HTR3B: variants seen among roughly 807,000 people sequenced by gnomAD.
The protein encoded by HTR3B is 5-hydroxytryptamine receptor 3B, also known as 5-hydroxytryptamine (serotonin) receptor 3B, ionotropic.
A neutral mutation model predicts 42.8 loss-of-function variants in HTR3B; 44 were observed. The ratio of observed to expected loss-of-function variants is 1.03; its 90% CI spans 0.81 to 1.32. HTR3B has a LOEUF of 1.32. Ranked by LOEUF, HTR3B falls within the 40% of genes most tolerant of loss-of-function variation. The pLI is 0.00. For missense variants in HTR3B, 527 were observed against 536.5 expected (o/e 0.98, Z 0.17); for synonymous variants, 203 against 209.0 (o/e 0.97, Z 0.25).
At chr11:113,933,174 CT>C (rs1950055386) in intron 6 of HTR3B, 81 bp downstream of exon 6, 1 of 1,358,530 alleles carries the variant, frequency 7.4e-7, no homozygotes, top group African/African-American at 1.5e-5. Flanking sequence ...AATTTCTGCT[CT>C]ATTGCATGTT....
chr11:113,932,832 G>GA, intron 5 of HTR3B, 104 bp from the exon 6 acceptor site: 1 of 1,151,432 alleles, frequency 8.7e-7, no homozygotes, highest in African/African-American at 1.5e-5. Context: ...CTGTGCCTAT[G>GA]GGGGCAGGAG....
intron 6 of HTR3B, among the ~76,000 whole-genome samples, chr11:113,940,786 C>G (rs1035469040): frequency 6.6e-6 from 1 of 152,214 alleles, no homozygotes; most frequent in South Asian, 2.1e-4. Context: ...CTCCCGGCAC[C>G]TCCTGCTCCA....
intron 2 of HTR3B, among the ~76,000 whole-genome samples, chr11:113,930,096 A>G (rs1247248517): frequency 6.6e-6 from 1 of 152,064 alleles, no homozygotes; most frequent in Non-Finnish European, 1.5e-5. Flanking sequence ...GGAGTTCTTT[A>G]TGTCCTGGAT....
chr11:113,910,595 C>T (rs1949781729), intron 2 of HTR3B, among the ~76,000 whole-genome samples: 1 of 151,998 alleles, frequency 6.6e-6, no homozygotes, highest in East Asian at 1.9e-4. Context: ...CATGCGCCAC[C>T]ACGCCCGGCT....
upstream of HTR3B, among the ~76,000 whole-genome samples, chr11:113,903,540 T>G (rs1949710862): frequency 6.6e-6 from 1 of 150,462 alleles, no homozygotes; most frequent in African/African-American, 2.4e-5. Context: ...ACAATTCCCC[T>G]GCCTCAGCCT....
chr11:113,917,684 A>G (rs1223729367), intron 2 of HTR3B, among the ~76,000 whole-genome samples: 1 of 152,030 alleles, frequency 6.6e-6, no homozygotes, highest in Admixed American at 6.6e-5. Context: ...GTCTCACTGC[A>G]GCCTCAACCT....
chr11:113,931,935 A>C, intron 4 of HTR3B, 68 bp downstream of exon 4: 1 of 907,926 alleles, frequency 1.1e-6, no homozygotes, highest in Non-Finnish European at 1.9e-6. Flanking sequence ...GTTGCTGCTT[A>C]CTTTCAGTCA....
At chr11:113,938,685 G>T (rs1334877265) in intron 6 of HTR3B, among the ~76,000 whole-genome samples, 2 of 152,194 alleles carry the variant, frequency 1.3e-5, no homozygotes, top group Non-Finnish European at 2.9e-5. Context: ...ACTATATGAT[G>T]AAATTAGAGT....
chr11:113,930,074 C>T (rs977926306), intron 2 of HTR3B, among the ~76,000 whole-genome samples: 35 of 152,086 alleles, frequency 2.3e-4, no homozygotes, highest in Non-Finnish European at 4.7e-4. Context: ...CTTTTGTTGT[C>T]GTTGAGTTGT....
intron 6 of HTR3B, among the ~76,000 whole-genome samples, chr11:113,939,406 C>A (rs77366844): frequency 0.061 from 9,332 of 152,274 alleles, 336 homozygotes; most frequent in African/African-American, 0.081. Flanking sequence ...TTCAAAATAG[C>A]ACCAGTGGAG....
chr11:113,939,030 T>C (rs1405766660), intron 6 of HTR3B, among the ~76,000 whole-genome samples: 1 of 151,904 alleles, frequency 6.6e-6, no homozygotes, highest in Non-Finnish European at 1.5e-5. Flanking sequence ...AACATTGCCC[T>C]TAAATAACCA....
intron 2 of HTR3B, among the ~76,000 whole-genome samples, chr11:113,928,818 T>A (rs569936578): frequency 6.6e-6 from 1 of 152,342 alleles, no homozygotes; most frequent in South Asian, 2.1e-4. Context: ...ATTACAGGCG[T>A]GAGCCACCGC....
intron 2 of HTR3B, among the ~76,000 whole-genome samples, chr11:113,923,105 T>C (rs562966392): frequency 2.0e-5 from 3 of 152,252 alleles, no homozygotes; most frequent in Non-Finnish European, 4.4e-5. Flanking sequence ...TAAATGTCTC[T>C]ATTGCATGTA....
intron 6 of HTR3B, among the ~76,000 whole-genome samples, chr11:113,942,173 C>A (rs11605102): frequency 0.2 from 30,019 of 152,098 alleles, 3,214 homozygotes; most frequent in South Asian, 0.33. Context: ...AGTTGGAGAC[C>A]AGCCTGGCCA....
chr11:113,942,454 C>G (rs1950143775), intron 6 of HTR3B, among the ~76,000 whole-genome samples: 1 of 152,046 alleles, frequency 6.6e-6, no homozygotes, highest in Non-Finnish European at 1.5e-5. Context: ...AGCGAAACTC[C>G]GTCACACACA....
At chr11:113,909,528 A>G in intron 2 of HTR3B, 73 bp downstream of exon 2, 1 of 1,215,698 alleles carries the variant, frequency 8.2e-7, no homozygotes, top group Non-Finnish European at 1.2e-6. Context: ...GCAGGAGCCT[A>G]TGAGAGGTTA....
Position 113,932,293 on chromosome 11 carries a change from G to A in HTR3B, c.373G>A (p.Asp125Asn), listed in dbSNP as rs200889198. 41 of 1,610,812 alleles carry A rather than the reference G, an allele frequency of 2.5e-5. No homozygotes were observed. In the African/African-American group the frequency reaches 5.3e-4, roughly 21 times the overall value. ...APDIIINEFV[D>N]IERYPDLPYV... The stretch of plus-strand genomic sequence containing the variant: ...GTTCTCTTGTGTTTCATATAGTGTG[G>A]ACATTGAAAGATACCCTGACCTTCC... The change falls in exon 5 of 9, where the codon GAC (aspartate) becomes AAC (asparagine). Residue 125 changes from aspartate to asparagine, a missense_variant. Asp to Asn is a conservative substitution (Grantham distance 23, BLOSUM62 1). Coordinates refer to ENST00000260191, the MANE Select transcript of HTR3B (RefSeq NM_006028.5).
intron 2 of HTR3B, among the ~76,000 whole-genome samples, chr11:113,930,432 C>T (rs1379455928): frequency 6.9e-6 from 1 of 145,110 alleles, no homozygotes; most frequent in Admixed American, 6.9e-5. Context: ...TCAGAATGTT[C>T]TTTACTAGAT....
chr11:113,904,945 T>C lies in HTR3B; in HGVS notation c.12T>C (p.Ser4=), dbSNP rs780514106. The C allele has an allele frequency of 1.9e-6, 3 of 1,613,872 alleles. No individual in the cohort carries two copies. The highest frequency in any genetic ancestry group is 2.5e-6 in the Non-Finnish European group (3 of 1,179,760). Residue 4 remains serine, a synonymous_variant, in exon 1 of 9, where the codon AGT becomes AGC. Transcript: ENST00000260191. ...GGATCTGCCCAGGAATGTTGTCAAG[T>C]GTAATGGCTCCCCTGTGGGCCTGCA... is the stretch of plus-strand genomic sequence containing the variant. MLS[S]VMAPLWACIL... is the part of the protein sequence containing the mutation.
Sources: allele counts gnomAD v4.1 joint callset (sites outside exome capture counted in the v4.1 genomes callset), GRCh38; gene constraint gnomAD v4.1.1; transcripts MANE v1.5; gene names NCBI Gene and HGNC (gene_info 2026-07-23, HGNC 2026-07-21).